Variants in DRC11 observed in about 807,000 individuals in gnomAD.
DRC11 encodes the protein IQ and AAA domain-containing protein 1.
At chr2:236,397,863 C>T in the DRC11 span, among the ~76,000 whole-genome samples, 1 of 152,224 alleles carries the variant, frequency 6.6e-6, no homozygotes, top group Non-Finnish European at 1.5e-5. The surrounding 1 kb of genome is among the most constrained non-coding windows in gnomAD (Gnocchi z 5.0). Context: ...CCACTGTAAT[C>T]CCCAACATAT....
At chr2:236,499,501 T>C in the DRC11 span, among the ~76,000 whole-genome samples, 3 of 152,248 alleles carry the variant, frequency 2.0e-5, no homozygotes, top group African/African-American at 7.2e-5. The surrounding 1 kb of genome is among the most constrained non-coding windows in gnomAD (Gnocchi z 4.7). Context: ...CGATCTTGGC[T>C]CACTGCAACC....
chr2:236,493,910 A>T, the DRC11 span: 5 of 1,570,438 alleles, frequency 3.2e-6, no homozygotes, highest in Non-Finnish European at 4.3e-6. Flanking sequence ...AAGAATAAAA[A>T]AGAGTATTTC....
chr2:236,465,526 C>T, the DRC11 span: 13 of 1,613,822 alleles, frequency 8.1e-6, no homozygotes, highest in South Asian at 5.5e-5. The surrounding 1 kb of genome is among the most constrained non-coding windows in gnomAD (Gnocchi z 6.2). Flanking sequence ...GAACCAATGC[C>T]GGATCTGGTC....
At chr2:236,343,798 C>A in the DRC11 span, 400 of 1,246,786 alleles carry the variant, frequency 3.2e-4, 2 homozygotes, top group African/African-American at 5.8e-3. This position sits in a 1 kb window ranked among gnomAD's most constrained non-coding sequence, Gnocchi z 6.6. Flanking sequence ...TAAATGAGTT[C>A]TCTGAAGACT....
the DRC11 span, chr2:236,493,632 T>C: frequency 4.6e-6 from 3 of 651,406 alleles, no homozygotes; most frequent in Admixed American, 3.4e-5. Flanking sequence ...CAACTTCTTA[T>C]GTACTGTATA....
At chr2:236,497,199 A>G in the DRC11 span, 1 of 1,612,744 alleles carries the variant, frequency 6.2e-7, no homozygotes, top group Non-Finnish European at 8.5e-7. The surrounding 1 kb of genome is among the most constrained non-coding windows in gnomAD (Gnocchi z 5.1). Context: ...TATCATCGAA[A>G]TAATGGAACT....
the DRC11 span, among the ~76,000 whole-genome samples, chr2:236,449,517 G>T: frequency 6.6e-6 from 1 of 152,226 alleles, no homozygotes; most frequent in African/African-American, 2.4e-5. This position sits in a 1 kb window ranked among gnomAD's most constrained non-coding sequence, Gnocchi z 5.1. Context: ...CCCACAGTCC[G>T]GAGGCGGGGG....
the DRC11 span, among the ~76,000 whole-genome samples, chr2:236,354,283 T>TTAGTGTGCACATGTGTGCGTGTGTG: frequency 8.2e-5 from 5 of 61,292 alleles, no homozygotes; most frequent in African/African-American, 2.8e-4. Flanking sequence ...GTGTATGAGT[T>TTAGTGTGCACATGTGTGCGTGTGTG]TATGTTAGTG....
At chr2:236,491,271 T>C in the DRC11 span, among the ~76,000 whole-genome samples, 4,294 of 67,084 alleles carry the variant, frequency 0.064, 559 homozygotes, top group African/African-American at 0.23. Context: ...TATATATATA[T>C]ACACACAGTA....
chr2:236,464,148 G>C, the DRC11 span, among the ~76,000 whole-genome samples: 1 of 152,240 alleles, frequency 6.6e-6, no homozygotes, highest in Non-Finnish European at 1.5e-5. Context: ...CCGTATCCTT[G>C]TCTTTGGAAG....
At chr2:236,481,383 G>A in the DRC11 span, among the ~76,000 whole-genome samples, 21 of 152,212 alleles carry the variant, frequency 1.4e-4, no homozygotes, top group Non-Finnish European at 1.8e-4. Flanking sequence ...CACATGAGGT[G>A]CCTGGCAGAT....
At chr2:236,341,362 C>T in the DRC11 span, among the ~76,000 whole-genome samples, 1 of 152,184 alleles carries the variant, frequency 6.6e-6, no homozygotes, top group Non-Finnish European at 1.5e-5. Context: ...CGCTACTCTC[C>T]TAGGAGGAGG....
At chr2:236,459,493 G>GTA in the DRC11 span, among the ~76,000 whole-genome samples, 1 of 122,588 alleles carries the variant, frequency 8.2e-6, no homozygotes, top group Non-Finnish European at 1.7e-5. Flanking sequence ...ATATGTATAC[G>GTA]TATATATGTA....
At chr2:236,377,388 T>C in the DRC11 span, among the ~76,000 whole-genome samples, 2 of 152,226 alleles carry the variant, frequency 1.3e-5, no homozygotes, top group African/African-American at 4.8e-5. This position sits in a 1 kb window ranked among gnomAD's most constrained non-coding sequence, Gnocchi z 4.9. Context: ...CACTCATCCA[T>C]GTGTGTATCT....
At chr2:236,359,310 T>C in the DRC11 span, among the ~76,000 whole-genome samples, 1 of 152,074 alleles carries the variant, frequency 6.6e-6, no homozygotes, top group South Asian at 2.1e-4. The surrounding 1 kb of genome is among the most constrained non-coding windows in gnomAD (Gnocchi z 4.3). Context: ...CCTCACTCAT[T>C]ATTCTATTAG....
the DRC11 span, among the ~76,000 whole-genome samples, chr2:236,499,436 C>CT: frequency 6.6e-6 from 1 of 152,116 alleles, no homozygotes; most frequent in Admixed American, 6.6e-5. The surrounding 1 kb of genome is among the most constrained non-coding windows in gnomAD (Gnocchi z 4.7). Context: ...CCCACATTTT[C>CT]TTTTTTTCTT....
chr2:236,417,473 GCCT>G, the DRC11 span, among the ~76,000 whole-genome samples: 1 of 152,000 alleles, frequency 6.6e-6, no homozygotes, highest in Non-Finnish European at 1.5e-5. Flanking sequence ...CTGGGTCACT[GCCT>G]CTCAACAGTC....
chr2:236,409,803 G>A, the DRC11 span, among the ~76,000 whole-genome samples: 2 of 152,084 alleles, frequency 1.3e-5, no homozygotes, highest in Non-Finnish European at 2.9e-5. Flanking sequence ...AATTTATTGA[G>A]AGTTTTTAGC....
chr2:236,476,016 C>T, the DRC11 span, among the ~76,000 whole-genome samples: 6 of 152,054 alleles, frequency 3.9e-5, no homozygotes, highest in African/African-American at 1.4e-4. The surrounding 1 kb of genome is among the most constrained non-coding windows in gnomAD (Gnocchi z 4.7). Flanking sequence ...TGTAATACCT[C>T]CAGCTTTGTT....
Sources: allele counts gnomAD v4.1 joint callset (sites outside exome capture counted in the v4.1 genomes callset), GRCh38; gene constraint gnomAD v4.1.1; non-coding constraint Gnocchi (gnomAD v3.1); transcripts MANE v1.5; gene names NCBI Gene and HGNC (gene_info 2026-07-23, HGNC 2026-07-21).